Variants in SCAF1 observed in about 807,000 individuals in gnomAD.
The protein encoded by SCAF1 is SR-related CTD associated factor 1.
SCAF1 carries 28 observed loss-of-function variants against 91.2 expected under a neutral mutation model. The ratio of observed to expected loss-of-function variants is 0.31; its 90% CI spans 0.23 to 0.42. SCAF1 has a LOEUF of 0.42. Among genes scored for constraint, SCAF1 ranks in the 10% least tolerant of loss-of-function variants. The probability of loss-of-function intolerance (pLI) is 1.00; values close to 1 mark genes in which losing one functional copy is unlikely to be tolerated. For missense variants in SCAF1, 1,893 were observed against 1,872.1 expected (o/e 1.01, Z -0.21); for synonymous variants, 1,036 against 833.7 (o/e 1.24, Z -4.18).
Position 49,658,604 on chromosome 19 carries a change from C to A in SCAF1, c.*205C>A. On this transcript the variant is annotated 3_prime_UTR_variant, in exon 11 of 11. Transcript: ENST00000360565. ...CAGTGCCCCTCCCTTCTGTTTGTGC[C>A]CCTCTCCCCAATTTCATTAAAGATT... 1.7e-6 allele frequency: 1 copy of A among 595,670 alleles called. No individual in the cohort carries two copies. The highest frequency in any genetic ancestry group is 2.1e-5 in the South Asian group (1 of 48,122). 36.9% of individuals were successfully genotyped at this position (595,670 alleles called of 1,614,324 possible).
At chr19:49,658,121 A>T in intron 10 of SCAF1, 87 bp from the exon 11 acceptor site, 1 of 1,408,088 alleles carries the variant, frequency 7.1e-7, no homozygotes, top group Non-Finnish European at 9.7e-7. Flanking sequence ...AGCTCCTCCT[A>T]CCGCAGTTCC....
chr19:49,652,825 A>G lies in SCAF1; in HGVS notation c.2436A>G (p.Pro812=). ...CCTCAGGGCCCCCGCCAAAGCCACC[A>G]GTCAGCAGCGGCTCAGGCTCTTCAT... ...APSSGPPPKP[P]VSSGSGSSSS... Residue 812 remains proline, a synonymous_variant, in exon 7 of 11, where the codon CCA becomes CCG. Coordinates refer to ENST00000360565, the MANE Select transcript of SCAF1 (RefSeq NM_021228.3). 2 of 1,614,014 alleles carry G rather than the reference A, an allele frequency of 1.2e-6. No individual in the cohort carries two copies. Among genetic ancestry groups the G allele is most frequent in the South Asian group, 2.2e-5 (2 of 91,078 alleles).
At position 49,654,890 on chromosome 19, in the gene SCAF1, G is replaced by A. The variant is rs774528482; in HGVS notation, c.3618+20G>A. The A allele has an allele frequency of 2.7e-5, 42 of 1,530,986 alleles. No homozygotes were observed. The East Asian group carries it at 7.3e-4, about 26-fold the overall frequency. The allele number at this position is 1,530,986 out of a possible 1,614,324, so 94.8% of individuals were successfully genotyped here. A position where few individuals can be genotyped will look rare whatever the true frequency, so the allele number is the denominator to read the frequency against. On this transcript the variant is annotated intron_variant, in intron 9 of 10. Transcript: ENST00000360565. ...GATAAGGTGAGCTGGCCTGGGGAGA[G>A]GTGGGGCGGTGCTGACAGTTCTGTA...
chr19:49,646,259 G>T lies in SCAF1; in HGVS notation c.261+57G>T. ...TCACGGGTATCAGGGAGGAAGGGAT[G>T]GGGGCCTGAGTCTGGGGGAATGGGG... On this transcript the variant is annotated intron_variant, in intron 4 of 10. Transcript: ENST00000360565. This position sits in a 1 kb window ranked among gnomAD's most constrained non-coding sequence, Gnocchi z 5.6. The T allele has an allele frequency of 2.2e-6, 3 of 1,392,286 alleles. No individual in the cohort carries two copies. The highest frequency in any genetic ancestry group is 3.0e-6 in the Non-Finnish European group (3 of 1,011,342). The allele number at this position is 1,392,286 out of a possible 1,614,324, so 86.2% of individuals were successfully genotyped here.
chr19:49,645,987 G>A lies in SCAF1; in HGVS notation c.167-121G>A, dbSNP rs1345272611. The A allele has an allele frequency of 3.4e-6, 3 of 875,086 alleles. No homozygotes were observed. Among genetic ancestry groups the A allele is most frequent in the Non-Finnish European group, 5.5e-6 (3 of 542,680 alleles). The allele number at this position is 875,086 out of a possible 1,614,324, so 54.2% of individuals were successfully genotyped here. A position where few individuals can be genotyped will look rare whatever the true frequency, so the allele number is the denominator to read the frequency against. ...CCTGGGAGGTGGCGCATGGAGGCCT[G>A]GAGAGCATGCGGGAGGCTGGTTCCG... On this transcript the variant is annotated intron_variant, in intron 3 of 10. Coordinates refer to ENST00000360565, the MANE Select transcript of SCAF1 (RefSeq NM_021228.3). This position sits in a 1 kb window ranked among gnomAD's most constrained non-coding sequence, Gnocchi z 4.6.
At chr19:49,649,179 C>T (rs190960924) in intron 6 of SCAF1, among the ~76,000 whole-genome samples, 5 of 152,212 alleles carry the variant, frequency 3.3e-5, no homozygotes, top group Non-Finnish European at 7.4e-5. Flanking sequence ...TTCCAGGTAG[C>T]TTTAAAAAGA....
Position 49,653,040 on chromosome 19 carries a change from C to T in SCAF1, c.2651C>T (p.Pro884Leu), listed in dbSNP as rs781356043. The change falls in exon 7 of 11, where the codon CCC (proline) becomes CTC (leucine). Residue 884 changes from proline (P) to leucine (L), a missense_variant. Pro to Leu is a moderately conservative substitution (Grantham distance 98). Coordinates refer to ENST00000360565, the MANE Select transcript of SCAF1 (RefSeq NM_021228.3). ...TTCCTCAAACCTGACGAGCGGGCCC[C>T]CACTGAGATGGCCAAAGCAGCTCCG... ...SPFLKPDERAPTEMAKAAPGS... is the reference protein window; with the variant it reads ...SPFLKPDERALTEMAKAAPGS... The T allele has an allele frequency of 1.2e-6, 2 of 1,614,034 alleles. No individual in the cohort carries two copies. Among genetic ancestry groups the T allele is most frequent in the South Asian group, 1.1e-5 (1 of 91,080 alleles).
In SCAF1 at chr19:49,650,945, C is replaced by T. The variant is rs1186509275; in HGVS notation, c.556C>T (p.Pro186Ser). ...TLGTGDGGPA[P>S]PPAPSSASSS... ...GGGCACGGGAGACGGGGGCCCTGCC[C>T]CACCCCCTGCCCCCTCCTCTGCATC... Residue 186 changes from proline to serine, a missense_variant, in exon 7 of 11, where the codon CCA (proline) becomes TCA (serine). By Grantham distance (74) the Pro-to-Ser change is moderately conservative. Around this residue, in one of 5 missense-constraint regions of SCAF1, gnomAD observed 270 missense variants for 292.5 expected, o/e 0.92. Transcript: ENST00000360565. 2.5e-6 allele frequency: 4 copies of T among 1,577,172 alleles called. No homozygotes were observed. The highest frequency in any genetic ancestry group is 2.7e-5 in the African/African-American group (2 of 73,754).
rs186819882 is a variant in SCAF1 at position 49,646,876 on chromosome 19, G to A, written c.478+46G>A. 9 of 1,464,452 alleles carry A rather than the reference G, an allele frequency of 6.1e-6. No homozygotes were observed. The African/African-American group carries it at 1.3e-4, about 21-fold the overall frequency. 90.7% of individuals were successfully genotyped at this position (1,464,452 alleles called of 1,614,324 possible). ...GCTGGGCAGGTGGTCGTGGAGTTGT[G>A]TGGGGATCGGCTGTTTTTGGTAGTG... On this transcript the variant is annotated intron_variant, in intron 6 of 10. Transcript: ENST00000360565. The surrounding 1 kb of genome is among the most constrained non-coding windows in gnomAD (Gnocchi z 5.6).
Position 49,653,105 on chromosome 19 carries a change from GCAGGGGCCAAGAAAA to G in SCAF1, c.2718_2732del (p.Gly907_Thr911del). 6.2e-7 allele frequency: 1 copy of G among 1,612,446 alleles called. No homozygotes were observed. ...CAAAAAGACCAAGGTCAAGGCCAAG[GCAGGGGCCAAGAAAA>G]CCAAGGGGACCAAGGGAAAGACCAA... On this transcript the variant is annotated inframe_deletion, in exon 7 of 11. Transcript: ENST00000360565.
chr19:49,646,724 C>A lies in SCAF1; in HGVS notation c.372C>A (p.Asp124Glu), dbSNP rs2081057709. The change falls in exon 6 of 11, where the codon GAC becomes GAA. Residue 124 changes from aspartate (D) to glutamate (E), a missense_variant. Physicochemically the swap from Asp to Glu is conservative, Grantham distance 45. Coordinates refer to ENST00000360565, the MANE Select transcript of SCAF1 (RefSeq NM_021228.3). This position sits in a 1 kb window ranked among gnomAD's most constrained non-coding sequence, Gnocchi z 5.6. ...CCCTTCCGCCTTGCAGAAGTGAGGA[C>A]ATGCTGGAGCTGGTGGCTGAGGTCC... is the stretch of plus-strand genomic sequence containing the variant. Reference protein sequence around the residue: ...RLDLRPGESEDMLELVAEVRI... With the variant: ...RLDLRPGESEEMLELVAEVRI... 1 of 1,613,948 alleles carries A rather than the reference C, an allele frequency of 6.2e-7. No individual in the cohort carries two copies. The highest frequency in any genetic ancestry group is 1.3e-5 in the African/African-American group (1 of 75,026).
In SCAF1 at chr19:49,653,494, A is replaced by T; in HGVS notation, c.3105A>T (p.Glu1035Asp). Residue 1035 changes from glutamate (E) to aspartate (D), a missense_variant, in exon 7 of 11, where the codon GAA (glutamate) becomes GAT (aspartate). Physicochemically the swap from Glu to Asp is conservative, Grantham distance 45. Around this residue, in one of 5 missense-constraint regions of SCAF1, gnomAD observed 1,436 missense variants for 1,306.8 expected, o/e 1.10. Transcript: ENST00000360565. ...EEEEEEEEEE[E>D]EEEEQQPATT... ...AAGAAGAAGAGGAGGAGGAAGAGGA[A>T]GAGGAGGAGGAGCAGCAGCCTGCTA... The T allele has an allele frequency of 6.4e-7, 1 of 1,561,990 alleles. No individual in the cohort carries two copies. The highest frequency in any genetic ancestry group is 8.6e-7 in the Non-Finnish European group (1 of 1,157,834).
chr19:49,651,937 C>T lies in SCAF1; in HGVS notation c.1548C>T (p.Arg516=). 1 of 1,187,636 alleles carries T rather than the reference C, an allele frequency of 8.4e-7. No homozygotes were observed. The highest frequency in any genetic ancestry group is 1.1e-6 in the Non-Finnish European group (1 of 950,972). The allele number at this position is 1,187,636 out of a possible 1,614,324, so 73.6% of individuals were successfully genotyped here. ...APAAAAGPPT[R]KKSRRERKRS... Reference sequence around the variant, plus strand: ...CCGCCGCTGCTGGTCCGCCCACGCGCAAGAAGTCCAGGCGGGAACGCAAGC... The same window carrying T: ...CCGCCGCTGCTGGTCCGCCCACGCGTAAGAAGTCCAGGCGGGAACGCAAGC... Residue 516 remains arginine, a synonymous_variant, in exon 7 of 11, where the codon CGC becomes CGT. Transcript: ENST00000360565.
At chr19:49,644,295 C>T (rs1055554913) in intron 1 of SCAF1, among the ~76,000 whole-genome samples, 1 of 152,174 alleles carries the variant, frequency 6.6e-6, no homozygotes, top group Non-Finnish European at 1.5e-5. Context: ...TTTCAACTGC[C>T]TGACTGGGGA....
Position 49,653,602 on chromosome 19 carries a change from G to T in SCAF1, c.3213G>T (p.Glu1071Asp). 6.3e-7 allele frequency: 1 copy of T among 1,583,118 alleles called. No homozygotes were observed. ...CCACAGCCGGTGACTCGGGGGCGGAGGACGGGCCAGCTTCCCGTGTCTCCC... is the reference window on the plus strand; with the variant it reads ...CCACAGCCGGTGACTCGGGGGCGGATGACGGGCCAGCTTCCCGTGTCTCCC... ...AGSTAGDSGA[E>D]DGPASRVSQL... The change falls in exon 7 of 11, where the codon GAG becomes GAT. Residue 1071 changes from glutamate (E) to aspartate (D), a missense_variant. Physicochemically the swap from Glu to Asp is conservative, Grantham distance 45 (BLOSUM62 2). Coordinates refer to ENST00000360565, the MANE Select transcript of SCAF1 (RefSeq NM_021228.3).
At position 49,650,649 on chromosome 19, in the gene SCAF1, G is replaced by T. The variant is rs544123182; in HGVS notation, c.479-219G>T. Among the ~76,000 whole-genome samples, 12 of 152,274 alleles carry T rather than the reference G, an allele frequency of 7.9e-5. No individual in the cohort carries two copies. In the South Asian group the frequency reaches 2.5e-3, roughly 32 times the overall value. On this transcript the variant is annotated intron_variant, in intron 6 of 10. Transcript: ENST00000360565. ...CTTCTCTCTGTGTGCCCTTGGGGAG[G>T]ATACTGCAGCCCTCTGCCTCAGTTT...
chr19:49,651,518 G>A lies in SCAF1; in HGVS notation c.1129G>A (p.Ala377Thr). 1 of 1,570,854 alleles carries A rather than the reference G, an allele frequency of 6.4e-7. No individual in the cohort carries two copies. Residue 377 changes from alanine to threonine, a missense_variant, in exon 7 of 11, where the codon GCC (alanine) becomes ACC (threonine). Coordinates refer to ENST00000360565, the MANE Select transcript of SCAF1 (RefSeq NM_021228.3). The part of the protein sequence containing the change: ...VSVEVVTAGG[A>T]ALPPPLLPPG... ...GGTGGAGGTGGTGACCGCTGGTGGAGCCGCCCTCCCGCCGCCCCTGCTGCC... is the reference window on the plus strand; with the variant it reads ...GGTGGAGGTGGTGACCGCTGGTGGAACCGCCCTCCCGCCGCCCCTGCTGCC...
In SCAF1 at chr19:49,653,622, T is replaced by C. The variant is rs757106202; in HGVS notation, c.3233T>C (p.Val1078Ala). Reference protein sequence around the residue: ...SGAEDGPASRVSQLPTLPPPM... With the variant: ...SGAEDGPASRASQLPTLPPPM... ...GCGGAGGACGGGCCAGCTTCCCGTGTCTCCCAGCTGCCCACGTTGCCCCCG... is the reference window on the plus strand; with the variant it reads ...GCGGAGGACGGGCCAGCTTCCCGTGCCTCCCAGCTGCCCACGTTGCCCCCG... Residue 1078 changes from valine (V) to alanine (A), a missense_variant, in exon 7 of 11, where the codon GTC becomes GCC. Val to Ala is a moderately conservative substitution (Grantham distance 64). Around this residue, in one of 5 missense-constraint regions of SCAF1, gnomAD observed 1,436 missense variants for 1,306.8 expected, o/e 1.10. Transcript: ENST00000360565. 1 of 1,587,680 alleles carries C rather than the reference T, an allele frequency of 6.3e-7. No homozygotes were observed. The highest frequency in any genetic ancestry group is 8.5e-7 in the Non-Finnish European group (1 of 1,172,152).
chr19:49,655,415 G>A (rs1377885152), intron 9 of SCAF1, among the ~76,000 whole-genome samples: 5 of 152,132 alleles, frequency 3.3e-5, no homozygotes, highest in Non-Finnish European at 7.3e-5. Context: ...CACCTGGTCT[G>A]GAGTGCAATG....
Sources: gnomAD v4.1 joint callset for allele counts (sites outside exome capture counted in the v4.1 genomes callset) on GRCh38, gnomAD v4.1.1 for gene constraint, gnomAD v4.1.1 regional missense constraint, Gnocchi (gnomAD v3.1) non-coding constraint, MANE v1.5 for transcripts, NCBI Gene and HGNC (gene_info 2026-07-23, HGNC 2026-07-21) for gene names.